Variants in GLIS3 observed in about 807,000 individuals in gnomAD.
The protein encoded by GLIS3 is zinc finger protein GLIS3.
Under a neutral mutation model 78.6 loss-of-function variants are expected in GLIS3, and 53 were observed. That is an observed-to-expected ratio of 0.67 (90% confidence interval 0.54 to 0.85). The LOEUF is 0.85. Among genes scored for constraint, GLIS3 ranks in the 40% least tolerant of loss-of-function variants. The pLI, the probability that GLIS3 is intolerant of heterozygous loss-of-function variation, is 0.00. For missense variants in GLIS3, 1,703 were observed against 1,231.1 expected, an observed-to-expected ratio of 1.38 and a Z score of -5.74; for synonymous variants, 684 against 509.9, an observed-to-expected ratio of 1.34 and a Z score of -4.60.
At chr9:3,871,316 C>A (rs1182590518) in intron 8 of GLIS3, among the ~76,000 whole-genome samples, 1 of 152,258 alleles carries the variant, frequency 6.6e-6, no homozygotes, top group African/African-American at 2.4e-5. Context: ...GTGGATCTAC[C>A]ATTCTGGGGT....
intron 6 of GLIS3, among the ~76,000 whole-genome samples, chr9:3,929,126 C>T (rs1825445311): frequency 6.6e-6 from 1 of 152,194 alleles, no homozygotes; most frequent in South Asian, 2.1e-4. Flanking sequence ...CTTCTATTCT[C>T]TGTGGAGACC....
chr9:4,361,332 T>C, the GLIS3 span, among the ~76,000 whole-genome samples: 3 of 152,228 alleles, frequency 2.0e-5, no homozygotes, highest in South Asian at 6.2e-4. Context: ...CCTGTGAGAT[T>C]GGCTGAAATA....
intron 3 of GLIS3, among the ~76,000 whole-genome samples, chr9:4,310,072 A>T (rs1303607897): frequency 1.3e-5 from 2 of 152,200 alleles, no homozygotes; most frequent in East Asian, 1.9e-4. Flanking sequence ...ACCATCAGAG[A>T]ATGTTTTTAA....
At chr9:4,150,162 G>A (rs749375223) in intron 2 of GLIS3, among the ~76,000 whole-genome samples, 1 of 152,114 alleles carries the variant, frequency 6.6e-6, no homozygotes, top group Non-Finnish European at 1.5e-5. Context: ...AGCTTTTATA[G>A]GGCCCCTTTC....
intron 2 of GLIS3, 90 bp from the exon 3 acceptor site, chr9:4,126,031 CT>C: frequency 2.1e-6 from 2 of 971,240 alleles, no homozygotes; most frequent in Non-Finnish European, 3.3e-6. Context: ...CAGGACCCAT[CT>C]TTAGAGACAG....
chr9:4,374,099 G>C, the GLIS3 span, among the ~76,000 whole-genome samples: 1,908 of 152,300 alleles, frequency 0.013, 26 homozygotes, highest in Non-Finnish European at 0.018. Context: ...CACGAAATCT[G>C]TCCACCTGTA....
chr9:3,936,707 C>T (rs1180242927), intron 5 of GLIS3, among the ~76,000 whole-genome samples: 1 of 152,156 alleles, frequency 6.6e-6, no homozygotes, highest in East Asian at 1.9e-4. Context: ...TTTTTAATGC[C>T]AGTCTCTCCT....
intron 8 of GLIS3, among the ~76,000 whole-genome samples, chr9:3,857,612 G>T (rs886695199): frequency 2.0e-5 from 3 of 152,166 alleles, no homozygotes; most frequent in Admixed American, 6.5e-5. Flanking sequence ...AAGTCAAGGC[G>T]AGGAGCTTAA....
At chr9:4,094,449 G>A (rs1829782067) in intron 4 of GLIS3, among the ~76,000 whole-genome samples, 1 of 152,104 alleles carries the variant, frequency 6.6e-6, no homozygotes, top group African/African-American at 2.4e-5. Context: ...TTTAGAGACA[G>A]GTTACGTGCC....
intron 2 of GLIS3, among the ~76,000 whole-genome samples, chr9:4,316,306 C>A (rs1817436097): frequency 6.6e-6 from 1 of 152,202 alleles, no homozygotes; most frequent in Admixed American, 6.5e-5. Context: ...CCCATAAGGT[C>A]CCACAACTTG....
At chr9:4,098,180 T>C (rs1253173558) in intron 4 of GLIS3, among the ~76,000 whole-genome samples, 2 of 152,202 alleles carry the variant, frequency 1.3e-5, no homozygotes, top group Admixed American at 6.5e-5. Flanking sequence ...AAGAATTCAC[T>C]TTCGAAACTT....
At chr9:4,372,670 G>A in the GLIS3 span, among the ~76,000 whole-genome samples, 3 of 152,114 alleles carry the variant, frequency 2.0e-5, no homozygotes, top group Non-Finnish European at 2.9e-5. Flanking sequence ...TGACCAAACG[G>A]AGAAAGTCTT....
chr9:4,265,283 C>T (rs945668203), intron 2 of GLIS3, among the ~76,000 whole-genome samples: 2 of 151,990 alleles, frequency 1.3e-5, no homozygotes, highest in Non-Finnish European at 2.9e-5. Context: ...TCATAATGCG[C>T]TACTTAACAT....
At chr9:4,071,578 C>T (rs1388237663) in intron 4 of GLIS3, 1 of 152,168 alleles carries the variant, frequency 6.6e-6, no homozygotes, top group Non-Finnish European at 1.5e-5. Context: ...AAAAGGAGTG[C>T]ATGAATATCT....
intron 1 of GLIS3, among the ~76,000 whole-genome samples, chr9:4,286,750 A>ACC (rs1828036329): frequency 1.3e-5 from 2 of 152,150 alleles, no homozygotes; most frequent in African/African-American, 4.8e-5. Flanking sequence ...TTTGTTTGCC[A>ACC]CTGAGCCCTT....
chr9:4,049,551 T>G (rs962239938), intron 4 of GLIS3, among the ~76,000 whole-genome samples: 1 of 152,154 alleles, frequency 6.6e-6, no homozygotes, highest in African/African-American at 2.4e-5. Flanking sequence ...GATTCTTTCC[T>G]TCATTCTCTT....
At chr9:4,332,566 C>T (rs1817701559) in intron 2 of GLIS3, among the ~76,000 whole-genome samples, 1 of 152,256 alleles carries the variant, frequency 6.6e-6, no homozygotes, top group South Asian at 2.1e-4. Flanking sequence ...GGAAGCTCCA[C>T]ATTGAAGACA....
At chr9:3,911,556 C>A (rs1824155337) in intron 6 of GLIS3, among the ~76,000 whole-genome samples, 1 of 152,204 alleles carries the variant, frequency 6.6e-6, no homozygotes, top group Non-Finnish European at 1.5e-5. Context: ...ATGAATTACA[C>A]TACAACATTA....
Position 3,824,345 on chromosome 9 carries a change from A to G in GLIS3, c.*3927T>C, listed in dbSNP as rs1817613107. 1 of 152,642 alleles carries G rather than the reference A, an allele frequency of 6.6e-6. No homozygotes were observed. The highest frequency in any genetic ancestry group is 2.1e-4 in the South Asian group (1 of 4,838). 9.5% of individuals were successfully genotyped at this position (152,642 alleles called of 1,614,324 possible). ...CCTCCCGCATCATCTGCCTTTAATT[A>G]TAATTACCATTCCCAGTATGTAAGA... On this transcript the variant is annotated 3_prime_UTR_variant, in exon 11 of 11. Transcript: ENST00000381971.
Sources: allele counts gnomAD v4.1 joint callset (sites outside exome capture counted in the v4.1 genomes callset), GRCh38; gene constraint gnomAD v4.1.1; transcripts MANE v1.5; gene names NCBI Gene and HGNC (gene_info 2026-07-23, HGNC 2026-07-21).